PDE8A: variants seen among roughly 807,000 people sequenced by gnomAD.
PDE8A encodes high affinity cAMP-specific and IBMX-insensitive 3',5'-cyclic phosphodiesterase 8A.
A neutral mutation model predicts 105.0 loss-of-function variants in PDE8A; 59 were observed. The observed-to-expected ratio is 0.56, with a 90% confidence interval of 0.46 to 0.70. The LOEUF (loss-of-function observed/expected upper bound fraction) is 0.70, where lower values mean the gene tolerates loss of function less well. Among genes scored for constraint, PDE8A ranks in the 30% least tolerant of loss-of-function variants. The pLI is 0.00. For synonymous variants in PDE8A, 355 were observed against 371.9 expected (o/e 0.95, Z 0.52); for missense variants, 1,014 against 1,045.9 (o/e 0.97, Z 0.42).
In PDE8A at chr15:85,064,183, A is replaced by G. The variant is rs1250403268; in HGVS notation, c.187-187A>G. The G allele has an allele frequency of 8.1e-6, 4 of 494,672 alleles. 1 individual carries two copies. The highest frequency in any genetic ancestry group is 7.9e-5 in the African/African-American group (4 of 50,790). 30.6% of individuals were successfully genotyped at this position (494,672 alleles called of 1,614,324 possible). On this transcript the variant is annotated intron_variant, in intron 1 of 21. Coordinates refer to ENST00000394553, the MANE Select transcript of PDE8A (RefSeq NM_002605.3). ...TTTTATTTCTCCTTTCCTGCTCCCCACTTTTCCTGGGGGCTATAAGGAGAT... is the reference window on the plus strand; with the variant it reads ...TTTTATTTCTCCTTTCCTGCTCCCCGCTTTTCCTGGGGGCTATAAGGAGAT...
chr15:85,025,426 G>T (rs1028579346), intron 1 of PDE8A, among the ~76,000 whole-genome samples: 5 of 152,048 alleles, frequency 3.3e-5, no homozygotes, highest in African/African-American at 1.2e-4. Flanking sequence ...TTTTCCAGGG[G>T]GGTGGGTAGG....
chr15:84,987,221 T>A (rs1256797511), intron 1 of PDE8A, among the ~76,000 whole-genome samples: 2 of 152,212 alleles, frequency 1.3e-5, no homozygotes, highest in African/African-American at 4.8e-5. Flanking sequence ...CATAAAATAC[T>A]TTGCATTTAT....
chr15:85,138,043 A>G lies in PDE8A; in HGVS notation c.*140A>G, dbSNP rs1458491863. On this transcript the variant is annotated 3_prime_UTR_variant, in exon 22 of 22. Transcript: ENST00000394553. ...ATAGCCTGTGAAAGCCCACGGGGAC[A>G]TCAGTAACCTTCTGCAGCCACCATC... is the stretch of plus-strand genomic sequence containing the variant. 5 of 583,092 alleles carry G rather than the reference A, an allele frequency of 8.6e-6. No homozygotes were observed. In the Admixed American group the frequency reaches 8.9e-5, roughly 10 times the overall value. 36.1% of individuals were successfully genotyped at this position (583,092 alleles called of 1,614,324 possible).
At chr15:85,092,294 T>C (rs1271729992) in intron 8 of PDE8A, among the ~76,000 whole-genome samples, 1 of 152,010 alleles carries the variant, frequency 6.6e-6, no homozygotes, top group Non-Finnish European at 1.5e-5. Flanking sequence ...CTATTTTGCC[T>C]TCAACTTTTC....
intron 1 of PDE8A, among the ~76,000 whole-genome samples, chr15:84,988,856 T>C (rs1374803500): frequency 3.3e-5 from 5 of 152,178 alleles, no homozygotes; most frequent in Non-Finnish European, 5.9e-5. Flanking sequence ...TTCCTTATAG[T>C]TCCCAAAGTG....
chr15:85,030,645 C>G (rs1286601067), intron 1 of PDE8A, among the ~76,000 whole-genome samples: 2 of 152,202 alleles, frequency 1.3e-5, no homozygotes, highest in Non-Finnish European at 2.9e-5. Flanking sequence ...TCCTCCATTT[C>G]AACCATACTT....
chr15:85,073,439 A>G (rs1261988300), intron 3 of PDE8A, among the ~76,000 whole-genome samples: 4 of 152,166 alleles, frequency 2.6e-5, no homozygotes, highest in African/African-American at 9.7e-5. Context: ...CTCCAGGTAA[A>G]CAAGGTCCTC....
At chr15:84,983,264 T>C (rs1048190401) in intron 1 of PDE8A, among the ~76,000 whole-genome samples, 6 of 152,236 alleles carry the variant, frequency 3.9e-5, no homozygotes, top group Non-Finnish European at 7.3e-5. Context: ...GTTAAACCAG[T>C]AAAAGACAAC....
At chr15:85,051,664 CAT>C (rs1303314093) in intron 1 of PDE8A, among the ~76,000 whole-genome samples, 1 of 152,086 alleles carries the variant, frequency 6.6e-6, no homozygotes, top group African/African-American at 2.4e-5. Flanking sequence ...GTTCCCCCCA[CAT>C]GTCCATGTGT....
chr15:85,041,800 G>C (rs962984671), intron 1 of PDE8A, among the ~76,000 whole-genome samples: 1 of 152,148 alleles, frequency 6.6e-6, no homozygotes, highest in Admixed American at 6.5e-5. Flanking sequence ...ATTGTCCAAG[G>C]CTGGGGCCTC....
rs907604880 is a variant in PDE8A, at chr15:85,083,332, A to G, written c.547-224A>G. On this transcript the variant is annotated intron_variant, in intron 5 of 21. Transcript: ENST00000394553. ...GCCTTTTTTTTTTTTAAAAAAATGA[A>G]AGGCTACTAAATGATAGAAGGAAAA... Among the ~76,000 whole-genome samples, 7 of 152,190 alleles carry G rather than the reference A, an allele frequency of 4.6e-5. No individual in the cohort carries two copies. In the East Asian group the frequency reaches 9.6e-4, roughly 21 times the overall value.
At chr15:85,105,897 T>A (rs995177930) in intron 11 of PDE8A, among the ~76,000 whole-genome samples, 1 of 152,140 alleles carries the variant, frequency 6.6e-6, no homozygotes, top group Non-Finnish European at 1.5e-5. Context: ...CCTCTTGGTG[T>A]TCCCTGAGGA....
intron 1 of PDE8A, among the ~76,000 whole-genome samples, chr15:85,051,959 T>C (rs896159752): frequency 1.6e-4 from 25 of 152,088 alleles, no homozygotes; most frequent in Non-Finnish European, 1.3e-4. Context: ...CTCCTAATGC[T>C]ATCCCCTCCC....
chr15:85,059,213 C>T (rs2081107717), intron 1 of PDE8A, among the ~76,000 whole-genome samples: 1 of 152,160 alleles, frequency 6.6e-6, no homozygotes, highest in Non-Finnish European at 1.5e-5. Context: ...ATTGATTTCT[C>T]ACTTTATCCT....
chr15:85,011,767 A>G (rs2080242996), intron 1 of PDE8A, among the ~76,000 whole-genome samples: 1 of 152,298 alleles, frequency 6.6e-6, no homozygotes, highest in East Asian at 1.9e-4. Context: ...GCAACCTACA[A>G]AATGGGAGAA....
At chr15:85,121,800 A>G (rs750991358) in intron 18 of PDE8A, among the ~76,000 whole-genome samples, 7 of 152,166 alleles carry the variant, frequency 4.6e-5, no homozygotes, top group Non-Finnish European at 5.9e-5. Context: ...CCCTAGTCCT[A>G]GACAACTACT....
At chr15:85,123,214 A>G in intron 19 of PDE8A, 21 bp downstream of exon 19, 1 of 1,613,184 alleles carries the variant, frequency 6.2e-7, no homozygotes, top group Non-Finnish European at 8.5e-7. Flanking sequence ...CTTATTGCAA[A>G]GAGAACCTGT....
intron 13 of PDE8A, 90 bp downstream of exon 13, chr15:85,113,537 C>A: frequency 1.9e-6 from 2 of 1,072,878 alleles, no homozygotes; most frequent in Non-Finnish European, 2.9e-6. Context: ...CAGGGACCCG[C>A]AGTAATGAGC....
At chr15:85,127,416 A>G (rs2045248832) in intron 20 of PDE8A, among the ~76,000 whole-genome samples, 1 of 152,162 alleles carries the variant, frequency 6.6e-6, no homozygotes, top group Non-Finnish European at 1.5e-5. Context: ...TTATGCAGAA[A>G]ATTCTAAGGA....
Sources: allele counts gnomAD v4.1 joint callset (sites outside exome capture counted in the v4.1 genomes callset), GRCh38; gene constraint gnomAD v4.1.1; transcripts MANE v1.5; gene names NCBI Gene and HGNC (gene_info 2026-07-23, HGNC 2026-07-21).